The following CADM2 variants were observed in gnomAD, a reference collection of about 807,000 sequenced individuals.
CADM2 encodes the protein cell adhesion molecule 2, also known as immunoglobulin superfamily member 4D.
In CADM2, 12 loss-of-function variants were observed where a neutral mutation model predicts 49.8. The ratio of observed to expected loss-of-function variants is 0.24; its 90% confidence interval spans 0.15 to 0.39. The LOEUF is 0.39. CADM2 is among the 10% of genes least tolerant of loss of function. CADM2 has a pLI of 1.00. For synonymous variants in CADM2, 214 were observed against 175.4 expected (o/e 1.22, Z -1.74); for missense variants, 378 against 492.3 (o/e 0.77, Z 2.20).
chr3:85,284,413 T>G (rs955858640), intron 1 of CADM2, among the ~76,000 whole-genome samples: 7 of 152,076 alleles, frequency 4.6e-5, no homozygotes, highest in Admixed American at 6.6e-5. Flanking sequence ...GATGGATGAC[T>G]GCTATGGATG....
chr3:85,895,705 A>G (rs968520715), intron 5 of CADM2, among the ~76,000 whole-genome samples: 2 of 152,050 alleles, frequency 1.3e-5, no homozygotes, highest in Admixed American at 1.3e-4. Flanking sequence ...AAGTTTTTCC[A>G]TGCTGTTCTT....
intron 1 of CADM2, among the ~76,000 whole-genome samples, chr3:85,710,013 T>G (rs2107734727): frequency 6.6e-6 from 1 of 152,238 alleles, no homozygotes; most frequent in South Asian, 2.1e-4. Flanking sequence ...TCTAGCAAAT[T>G]AATCTCACAG....
At chr3:85,935,717 C>A (rs1419584671) in intron 6 of CADM2, 50 bp from the exon 7 acceptor site, 2 of 930,246 alleles carry the variant, frequency 2.1e-6, no homozygotes, top group South Asian at 1.6e-5. Flanking sequence ...TATTAAATAT[C>A]TAGTTTTGTA....
In CADM2 at chr3:85,955,003, G is replaced by A. The variant is rs754730223; in HGVS notation, c.792-6466G>A. Among the ~76,000 whole-genome samples the A allele has an allele frequency of 1.3e-4, 20 of 151,348 alleles. No homozygotes were observed. The Middle Eastern group carries it at 0.014, about 103-fold the overall frequency. On this transcript the variant is annotated intron_variant, in intron 7 of 9. Transcript: ENST00000383699. ...TAATAATATTTACTGCCCATCTGTGGAATTTCTAAACTGAAATAAAGCCAG... is the reference window on the plus strand; with the variant it reads ...TAATAATATTTACTGCCCATCTGTGAAATTTCTAAACTGAAATAAAGCCAG...
chr3:85,949,107 A>G (rs1205945378), intron 7 of CADM2, among the ~76,000 whole-genome samples: 1 of 151,516 alleles, frequency 6.6e-6, no homozygotes, highest in Non-Finnish European at 1.5e-5. Context: ...AACTCCTAGG[A>G]TACAGCACTC....
rs572680528 is a variant in CADM2, at chr3:85,986,531, T to A, written c.970+24884T>A. ...TGAGCTTTTAAAAATTAAGTGTCAA[T>A]ATGTTGGGGTTTCTTTTCTTGACAA... is the stretch of plus-strand genomic sequence containing the variant. On this transcript the variant is annotated intron_variant, in intron 8 of 9. Transcript: ENST00000383699. Among the ~76,000 whole-genome samples the A allele has an allele frequency of 2.0e-5, 3 of 152,198 alleles. No individual in the cohort carries two copies. The South Asian group carries it at 6.2e-4, about 32-fold the overall frequency.
chr3:85,047,156 A>G (rs1051574768), intron 1 of CADM2, among the ~76,000 whole-genome samples: 2 of 152,090 alleles, frequency 1.3e-5, no homozygotes, highest in Non-Finnish European at 2.9e-5. Context: ...CCCCATCCAA[A>G]TTTCTGTCAT....
At chr3:85,254,849 T>C (rs1224002823) in intron 1 of CADM2, among the ~76,000 whole-genome samples, 1 of 152,080 alleles carries the variant, frequency 6.6e-6, no homozygotes, top group Non-Finnish European at 1.5e-5. Flanking sequence ...AATGCCCTGA[T>C]GTTCCTCTCC....
intron 5 of CADM2, among the ~76,000 whole-genome samples, chr3:85,907,383 C>T (rs1313615990): frequency 6.6e-6 from 1 of 152,166 alleles, no homozygotes; most frequent in African/African-American, 2.4e-5. Flanking sequence ...TGCTGTTTTG[C>T]TCATGGTCAG....
chr3:85,384,556 C>T (rs1202760558), intron 1 of CADM2, among the ~76,000 whole-genome samples: 1 of 151,964 alleles, frequency 6.6e-6, no homozygotes, highest in African/African-American at 2.4e-5. Context: ...TCAGGTGATC[C>T]GCCCGCCTCA....
At chr3:85,357,221 CA>C (rs1481482459) in intron 1 of CADM2, among the ~76,000 whole-genome samples, 2 of 152,030 alleles carry the variant, frequency 1.3e-5, no homozygotes, top group Non-Finnish European at 2.9e-5. Flanking sequence ...CCCTTACTAG[CA>C]AACTGTAGAA....
At chr3:85,466,509 A>T (rs2038497590) in intron 1 of CADM2, among the ~76,000 whole-genome samples, 1 of 152,158 alleles carries the variant, frequency 6.6e-6, no homozygotes. Flanking sequence ...TTTTGTCCAT[A>T]TCTGGTAGTC....
chr3:85,001,617 C>T (rs2033467052), intron 1 of CADM2, among the ~76,000 whole-genome samples: 1 of 151,922 alleles, frequency 6.6e-6, no homozygotes, highest in Admixed American at 6.6e-5. Context: ...TCTATACAGA[C>T]AATACTATTT....
intron 8 of CADM2, among the ~76,000 whole-genome samples, chr3:86,036,389 C>G (rs1289243959): frequency 6.6e-6 from 1 of 152,116 alleles, no homozygotes; most frequent in Admixed American, 6.6e-5. Flanking sequence ...GTGTCCTAGG[C>G]ATCTTCCTGG....
At chr3:84,969,267 T>C (rs902483084) in intron 1 of CADM2, among the ~76,000 whole-genome samples, 3 of 152,046 alleles carry the variant, frequency 2.0e-5, no homozygotes, top group African/African-American at 7.2e-5. Context: ...TAAGCTGATA[T>C]AATAAATATG....
intron 1 of CADM2, among the ~76,000 whole-genome samples, chr3:85,074,905 A>G (rs994193862): frequency 1.3e-5 from 2 of 151,892 alleles, no homozygotes; most frequent in African/African-American, 4.8e-5. Flanking sequence ...AATCCTACTC[A>G]GAGGTATTCC....
intron 6 of CADM2, among the ~76,000 whole-genome samples, chr3:85,920,767 A>G (rs1718998140): frequency 6.6e-6 from 1 of 151,604 alleles, no homozygotes; most frequent in African/African-American, 2.4e-5. Context: ...CCATCTTTAT[A>G]TTATTAATAG....
Position 85,718,882 on chromosome 3 carries a change from TTTATTATTATTA to T in CADM2, c.62-7607_62-7596del, listed in dbSNP as rs71112111. On this transcript the variant is annotated intron_variant, in intron 1 of 9. Coordinates refer to ENST00000383699, the MANE Select transcript of CADM2 (RefSeq NM_001167675.2). ...ATTTTATAGAGGAAATTAATGGTAT[TTTATTATTATTA>T]TTATTATTATTATTATTATTATTAT... is the stretch of plus-strand genomic sequence containing the variant. 7.6e-3 allele frequency among the ~76,000 whole-genome samples: 1,071 copies of T among 141,332 alleles called. 10 individuals carry two copies. Among genetic ancestry groups the T allele is most frequent in the African/African-American group, 0.021 (810 of 38,116 alleles). The allele number at this position is 141,332 out of a possible 152,430, so 92.7% of individuals were successfully genotyped here.
intron 1 of CADM2, among the ~76,000 whole-genome samples, chr3:85,134,113 C>T (rs1331377398): frequency 6.6e-6 from 1 of 152,234 alleles, no homozygotes; most frequent in Non-Finnish European, 1.5e-5. Flanking sequence ...GGTGCTAAGC[C>T]CCTCATTGCC....
Sources: allele counts gnomAD v4.1 joint callset (sites outside exome capture counted in the v4.1 genomes callset), GRCh38; gene constraint gnomAD v4.1.1; transcripts MANE v1.5; gene names NCBI Gene and HGNC (gene_info 2026-07-23, HGNC 2026-07-21).